Variants in BACH2 observed in about 807,000 individuals in gnomAD.
BACH2 encodes the protein transcription regulator protein BACH2.
Under a neutral mutation model 61.8 loss-of-function variants are expected in BACH2, and 5 were observed. The observed-to-expected ratio is 0.08, with a 90% confidence interval of 0.04 to 0.17. BACH2 has a LOEUF of 0.17. BACH2 is among the 10% of genes least tolerant of loss of function. BACH2 has a pLI of 1.00. For missense variants in BACH2, 824 were observed against 1,091.1 expected (o/e 0.76, Z 3.45); for synonymous variants, 446 against 440.1 (o/e 1.01, Z -0.17).
intron 4 of BACH2, among the ~76,000 whole-genome samples, chr6:90,170,336 T>C (rs1767770027): frequency 6.6e-6 from 1 of 152,202 alleles, no homozygotes; most frequent in Admixed American, 6.5e-5. Flanking sequence ...TCAGCACTTA[T>C]CACCTTTTCA....
intron 7 of BACH2, among the ~76,000 whole-genome samples, chr6:89,941,177 C>G (rs916348476): frequency 3.9e-5 from 6 of 152,332 alleles, no homozygotes; most frequent in Non-Finnish European, 7.3e-5. Flanking sequence ...GCCCAGGTTT[C>G]TCTTTGGTTA....
chr6:90,173,340 C>T (rs1324420985), intron 4 of BACH2, among the ~76,000 whole-genome samples: 1 of 152,130 alleles, frequency 6.6e-6, no homozygotes, highest in East Asian at 1.9e-4. Flanking sequence ...TATGTCCACA[C>T]AGACTTGCAT....
intron 4 of BACH2, among the ~76,000 whole-genome samples, chr6:90,129,935 T>C (rs556419227): frequency 2.9e-4 from 44 of 152,290 alleles, no homozygotes; most frequent in South Asian, 8.3e-4. Context: ...AGTGGCGCGA[T>C]CTCAGCTCAC....
chr6:89,989,891 C>T (rs375872934), intron 6 of BACH2, among the ~76,000 whole-genome samples: 18 of 152,114 alleles, frequency 1.2e-4, no homozygotes, highest in Non-Finnish European at 1.9e-4. Flanking sequence ...TCTTGAGGAA[C>T]GAAATATGCT....
chr6:90,283,745 C>T (rs980639528), intron 1 of BACH2, among the ~76,000 whole-genome samples: 11 of 151,922 alleles, frequency 7.2e-5, no homozygotes, highest in South Asian at 2.1e-4. Flanking sequence ...CGGCGGCTTA[C>T]ACCTATAATC....
At chr6:90,019,134 C>A (rs1485126068) in intron 5 of BACH2, among the ~76,000 whole-genome samples, 1 of 152,100 alleles carries the variant, frequency 6.6e-6, no homozygotes, top group Non-Finnish European at 1.5e-5. Context: ...TAATAGCTTG[C>A]ATGTATAAGG....
At chr6:90,267,106 TC>T (rs1005605568) in intron 2 of BACH2, among the ~76,000 whole-genome samples, 1 of 151,652 alleles carries the variant, frequency 6.6e-6, no homozygotes, top group African/African-American at 2.4e-5. Flanking sequence ...AACTAAGACA[TC>T]TCCCCCCCAC....
At chr6:90,212,757 CAA>C (rs1481643131) in intron 3 of BACH2, among the ~76,000 whole-genome samples, 3 of 151,972 alleles carry the variant, frequency 2.0e-5, no homozygotes, top group Admixed American at 1.3e-4. Flanking sequence ...GAGGAGGAAA[CAA>C]GAGGATTATA....
intron 5 of BACH2, among the ~76,000 whole-genome samples, chr6:90,062,678 C>T (rs1347900530): frequency 6.6e-6 from 1 of 152,068 alleles, no homozygotes; most frequent in African/African-American, 2.4e-5. Flanking sequence ...CTAAGCCAAA[C>T]AACCTCTTTC....
rs900264190 is a variant in BACH2 at position 90,042,240 on chromosome 6, T to A, written c.-12-33384A>T. The stretch of plus-strand genomic sequence containing the variant: ...CAGGGTCTTGCTCTGTCACCCAGGC[T>A]GGAGTGCAGTGGCGCAATCATGGGT... On this transcript the variant is annotated intron_variant, in intron 5 of 8. Coordinates refer to ENST00000257749, the MANE Select transcript of BACH2 (RefSeq NM_021813.4). 2.4e-4 allele frequency among the ~76,000 whole-genome samples: 37 copies of A among 152,212 alleles called. 1 individual carries two copies. Among genetic ancestry groups the A allele is most frequent in the Admixed American group, 2.2e-3 (34 of 15,272 alleles).
intron 3 of BACH2, among the ~76,000 whole-genome samples, chr6:90,212,917 TA>T (rs1349383006): frequency 6.6e-6 from 1 of 152,194 alleles, no homozygotes; most frequent in Non-Finnish European, 1.5e-5. Flanking sequence ...GCACACAGGC[TA>T]GGGGGTTCTT....
chr6:90,100,682 T>TA (rs1782573037), intron 4 of BACH2, among the ~76,000 whole-genome samples: 1 of 50,460 alleles, frequency 2.0e-5, no homozygotes, highest in African/African-American at 1.0e-4. Flanking sequence ...TTCCTCTCTC[T>TA]CTCTACACAC....
At chr6:90,055,150 A>C (rs188316645) in intron 5 of BACH2, among the ~76,000 whole-genome samples, 39 of 152,348 alleles carry the variant, frequency 2.6e-4, no homozygotes, top group Admixed American at 2.0e-3. Flanking sequence ...TGAGAGAAGA[A>C]GGCTTCAGAT....
intron 8 of BACH2, among the ~76,000 whole-genome samples, chr6:89,937,658 T>C (rs376418657): frequency 1.3e-5 from 2 of 152,198 alleles, no homozygotes; most frequent in African/African-American, 2.4e-5. Flanking sequence ...GCCTCCCGAA[T>C]AGCTGGGACT....
intron 4 of BACH2, among the ~76,000 whole-genome samples, chr6:90,157,542 C>T (rs989658227): frequency 2.6e-5 from 4 of 152,190 alleles, no homozygotes; most frequent in Admixed American, 6.5e-5. Context: ...CTGATATCCT[C>T]GAGGGCCTGG....
At position 89,975,462 on chromosome 6, in the gene BACH2, C is replaced by T. The variant is rs73494926; in HGVS notation, c.244-23600G>A. Among the ~76,000 whole-genome samples, 1,356 of 152,220 alleles carry T rather than the reference C, an allele frequency of 8.9e-3. 22 individuals are homozygous for T. The highest frequency in any genetic ancestry group is 0.031 in the African/African-American group (1,305 of 41,506). ...AAATACAGTGTTTCCATTAAAGTCC[C>T]TCAGCTTTCTTTTGTTTCTCAGACT... On this transcript the variant is annotated intron_variant, in intron 6 of 8. Transcript: ENST00000257749.
Position 90,073,110 on chromosome 6 carries a change from C to T in BACH2, c.-13+15851G>A, listed in dbSNP as rs1438946042. On this transcript the variant is annotated intron_variant, in intron 5 of 8. Transcript: ENST00000257749. ...ATCCATCTTCGCAGTAAGTTATCCC[C>T]GCTTGGGCGAGGTTTCAAACGTTTT... 3.9e-5 allele frequency among the ~76,000 whole-genome samples: 6 copies of T among 152,334 alleles called. No homozygotes were observed. The East Asian group carries it at 9.6e-4, about 24-fold the overall frequency.
At chr6:90,262,998 A>G (rs543839667) in intron 2 of BACH2, among the ~76,000 whole-genome samples, 123 of 152,338 alleles carry the variant, frequency 8.1e-4, no homozygotes, top group African/African-American at 2.9e-3. Context: ...GAGTACAACA[A>G]TTATTTTAAA....
At chr6:90,240,914 A>G (rs1417040644) in intron 3 of BACH2, among the ~76,000 whole-genome samples, 2 of 152,104 alleles carry the variant, frequency 1.3e-5, no homozygotes, top group East Asian at 3.8e-4. Context: ...GCCAACAGAT[A>G]TTACTTTTGA....
Sources: gnomAD v4.1 joint callset for allele counts (sites outside exome capture counted in the v4.1 genomes callset) on GRCh38, gnomAD v4.1.1 for gene constraint, MANE v1.5 for transcripts, NCBI Gene and HGNC (gene_info 2026-07-23, HGNC 2026-07-21) for gene names.